PRPS1: variants seen among roughly 807,000 people sequenced by gnomAD.
The protein encoded by PRPS1 is phosphoribosyl pyrophosphate synthetase 1.
In PRPS1, 1 loss-of-function variant was observed where a neutral mutation model predicts 16.9. That is an observed-to-expected ratio of 0.06 (90% CI 0.02 to 0.28). PRPS1 has a LOEUF of 0.28. Among genes scored for constraint, PRPS1 ranks in the 10% least tolerant of loss-of-function variants. The pLI, the probability that PRPS1 is intolerant of heterozygous loss-of-function variation, is 1.00. For synonymous variants in PRPS1, 70 were observed against 90.2 expected (o/e 0.78, Z 1.27); for missense variants, 47 against 254.0 (o/e 0.19, Z 5.54).
intron 1 of PRPS1, chrX:107,630,174 C>T (rs1023619005): frequency 2.7e-5 from 3 of 112,416 alleles, no homozygotes; most frequent in Admixed American, 9.4e-5. Context: ...TAGATTTTTC[C>T]AAACCATTAT....
At chrX:107,630,637 C>A (rs935465458) in intron 1 of PRPS1, among the ~76,000 whole-genome samples, 1 of 110,310 alleles carries the variant, frequency 9.1e-6, no homozygotes, top group African/African-American at 3.3e-5. Context: ...TAACTGCTCC[C>A]TATAACTGCT....
At chrX:107,643,785 T>C (rs2147683882) in intron 4 of PRPS1, among the ~76,000 whole-genome samples, 1 of 112,067 alleles carries the variant, frequency 8.9e-6, no homozygotes, top group African/African-American at 3.2e-5. Context: ...AGCGAATTGG[T>C]TACCACTGAT....
chrX:107,646,265 G>A (rs1297731426), intron 5 of PRPS1, among the ~76,000 whole-genome samples: 1 of 109,553 alleles, frequency 9.1e-6, no homozygotes, highest in Non-Finnish European at 1.9e-5. Context: ...ACCACACTTG[G>A]GTAATTATTT....
At chrX:107,629,503 G>A (rs1233036576) in intron 1 of PRPS1, among the ~76,000 whole-genome samples, 1 of 112,264 alleles carries the variant, frequency 8.9e-6, no homozygotes, top group Non-Finnish European at 1.9e-5. Context: ...TAGTGGTACA[G>A]ATAATGCAAA....
At chrX:107,643,548 A>G (rs1925624008) in intron 4 of PRPS1, among the ~76,000 whole-genome samples, 1 of 111,346 alleles carries the variant, frequency 9.0e-6, no homozygotes. Context: ...GTATTTTACA[A>G]TTGAGTGTCT....
chrX:107,642,540 A>T, intron 4 of PRPS1, 50 bp downstream of exon 4: 1 of 1,205,573 alleles, frequency 8.3e-7, no homozygotes, highest in Non-Finnish European at 1.1e-6. Context: ...AATCTTTCAG[A>T]TGGTTGTGTC....
At chrX:107,645,403 T>C (rs1348606186) in intron 5 of PRPS1, 53 bp downstream of exon 5, 10 of 1,173,676 alleles carry the variant, frequency 8.5e-6, no homozygotes, top group Non-Finnish European at 1.2e-5. Context: ...TAGCAATTGC[T>C]GTCTGAATGT....
At chrX:107,637,929 A>AATATATAT (rs796383314) in intron 1 of PRPS1, among the ~76,000 whole-genome samples, 2 of 101,073 alleles carry the variant, frequency 2.0e-5, no homozygotes, top group African/African-American at 7.1e-5. Context: ...GTGTAATATA[A>AATATATAT]ATATATATAT....
At position 107,650,180 on chromosome X, in the gene PRPS1, T is replaced by TG; in HGVS notation, c.*152dup. ...CAGGTATATTAGAGCTTATCCGAAC[T>TG]GGGGAAAGACGGATTGAGATTAACT... On this transcript the variant is annotated 3_prime_UTR_variant, in exon 7 of 7. Transcript: ENST00000372435. 9.5e-7 allele frequency: 1 copy of TG among 1,052,812 alleles called. No individual in the cohort carries two copies. The highest frequency in any genetic ancestry group is 1.3e-6 in the Non-Finnish European group (1 of 781,951). The allele number at this position is 1,052,812 out of a possible 1,213,427, so 86.8% of individuals were successfully genotyped here. A position where few individuals can be genotyped will look rare whatever the true frequency, so the allele number is the denominator to read the frequency against.
intron 1 of PRPS1, among the ~76,000 whole-genome samples, chrX:107,629,113 G>A (rs766240300): frequency 9.0e-6 from 1 of 111,417 alleles, no homozygotes; most frequent in Non-Finnish European, 1.9e-5. Context: ...ACCCAGGCTG[G>A]ACTGGGTTGC....
At chrX:107,630,979 T>C (rs914535713) in intron 1 of PRPS1, among the ~76,000 whole-genome samples, 1 of 111,809 alleles carries the variant, frequency 8.9e-6, no homozygotes, top group African/African-American at 3.3e-5. Context: ...GGGGTGGTGA[T>C]AATATTGCAG....
At chrX:107,635,877 G>T (rs1193676033) in intron 1 of PRPS1, among the ~76,000 whole-genome samples, 5 of 105,187 alleles carry the variant, frequency 4.8e-5, no homozygotes, top group Non-Finnish European at 9.6e-5. Flanking sequence ...TGGCCAACAT[G>T]GTGAAACCCC....
chrX:107,650,757 T>C lies in PRPS1; in HGVS notation c.*725T>C, dbSNP rs183744100. ...GGCCCAAATGAACATTGTACCATAG[T>C]CTTCTGGAAAGCAAACATGCTTCCT... On this transcript the variant is annotated 3_prime_UTR_variant, in exon 7 of 7. Transcript: ENST00000372435. 4.3e-4 allele frequency: 126 copies of C among 295,962 alleles called. No individual in the cohort carries two copies. The highest frequency in any genetic ancestry group is 3.7e-3 in the Admixed American group (60 of 16,182). The allele number at this position is 295,962 out of a possible 1,213,427, so 24.4% of individuals were successfully genotyped here.
At chrX:107,629,169 T>C (rs374765543) in intron 1 of PRPS1, among the ~76,000 whole-genome samples, 2 of 111,713 alleles carry the variant, frequency 1.8e-5, no homozygotes. Flanking sequence ...ACCTGCGTAC[T>C]GAGCTCTCCT....
intron 1 of PRPS1, among the ~76,000 whole-genome samples, chrX:107,632,415 C>T (rs908730546): frequency 8.9e-6 from 1 of 112,282 alleles, no homozygotes; most frequent in Non-Finnish European, 1.9e-5. Flanking sequence ...CTAAATTCTT[C>T]AGATTTTCTT....
intron 4 of PRPS1, 40 bp from the exon 5 acceptor site, chrX:107,645,137 T>C (rs1190473382): frequency 2.5e-6 from 3 of 1,205,252 alleles, no homozygotes; most frequent in Non-Finnish European, 3.4e-6. Context: ...TCTTTTGTCT[T>C]AGAAGCCACA....
In PRPS1 at chrX:107,650,877, G is replaced by A. The variant is rs763326742; in HGVS notation, c.*845G>A. The stretch of plus-strand genomic sequence containing the variant: ...GAGGCAGTAGGTTTTAGGTGGTATC[G>A]TAGTGCCTTTTGATTAATTTAAGTA... On this transcript the variant is annotated 3_prime_UTR_variant, in exon 7 of 7. Coordinates refer to ENST00000372435, the MANE Select transcript of PRPS1 (RefSeq NM_002764.4). The A allele has an allele frequency of 4.9e-5, 14 of 286,233 alleles. No homozygotes were observed. In the South Asian group the frequency reaches 1.9e-3, roughly 40 times the overall value. 23.6% of individuals were successfully genotyped at this position (286,233 alleles called of 1,213,427 possible).
chrX:107,634,877 T>A (rs954054301), intron 1 of PRPS1, among the ~76,000 whole-genome samples: 2 of 106,866 alleles, frequency 1.9e-5, no homozygotes, highest in Admixed American at 2.0e-4. Flanking sequence ...TCTCGCTCTG[T>A]CTCCCAGGCT....
At chrX:107,639,992 T>C (rs1420674456) in intron 2 of PRPS1, among the ~76,000 whole-genome samples, 1 of 112,956 alleles carries the variant, frequency 8.9e-6, no homozygotes, top group African/African-American at 3.2e-5. Flanking sequence ...TGCCCAATTT[T>C]ACACACAATG....
Sources: allele counts gnomAD v4.1 joint callset (sites outside exome capture counted in the v4.1 genomes callset), GRCh38; gene constraint gnomAD v4.1.1; transcripts MANE v1.5; gene names NCBI Gene and HGNC (gene_info 2026-07-23, HGNC 2026-07-21).